PRKN: variants seen among roughly 807,000 people sequenced by gnomAD.
The protein encoded by PRKN is parkin RBR E3 ubiquitin protein ligase.
In PRKN, 56 loss-of-function variants were observed where a neutral mutation model predicts 59.5. The observed-to-expected ratio is 0.94, with a 90% CI of 0.76 to 1.18. The LOEUF is 1.18. Ranked by LOEUF, PRKN falls within the 50% of genes most tolerant of loss-of-function variation. The probability of loss-of-function intolerance (pLI) is 0.00; values close to 1 mark genes in which losing one functional copy is unlikely to be tolerated. For synonymous variants in PRKN, 250 were observed against 222.1 expected (o/e 1.13, Z -1.12); for missense variants, 657 against 596.4 (o/e 1.10, Z -1.06).
rs139428974 is a variant in PRKN at position 162,346,878 on chromosome 6, T to G, written c.172-84113A>C. Among the ~76,000 whole-genome samples, 375 of 152,138 alleles carry G rather than the reference T, an allele frequency of 2.5e-3. 2 individuals are homozygous for G. The highest frequency in any genetic ancestry group is 8.8e-3 in the African/African-American group (365 of 41,548). On this transcript the variant is annotated intron_variant, in intron 2 of 11. Coordinates refer to ENST00000366898, the MANE Select transcript of PRKN (RefSeq NM_004562.3). ...GTTGTGAGATATATATCTATGGATA[T>G]ATACATATATCTATATATGTGTCTA... is the stretch of plus-strand genomic sequence containing the variant.
At chr6:162,131,816 T>C (rs1210597679) in intron 4 of PRKN, among the ~76,000 whole-genome samples, 1 of 152,198 alleles carries the variant, frequency 6.6e-6, no homozygotes, top group East Asian at 1.9e-4. Context: ...CATTTAAAAA[T>C]GTTTATTCAT....
chr6:162,571,560 C>T (rs1780329157), intron 1 of PRKN, among the ~76,000 whole-genome samples: 1 of 152,024 alleles, frequency 6.6e-6, no homozygotes, highest in Non-Finnish European at 1.5e-5. Flanking sequence ...AGGGATAAAA[C>T]AGAAAACTCT....
chr6:162,448,371 G>A (rs895713968), intron 1 of PRKN, among the ~76,000 whole-genome samples: 1 of 151,926 alleles, frequency 6.6e-6, no homozygotes, highest in Non-Finnish European at 1.5e-5. Context: ...AATTTTCATT[G>A]AGAATTTCTT....
intron 2 of PRKN, among the ~76,000 whole-genome samples, chr6:162,308,855 G>A (rs939216499): frequency 1.3e-5 from 2 of 152,186 alleles, no homozygotes; most frequent in Middle Eastern, 3.4e-3. Flanking sequence ...GAGAAAAACC[G>A]TGGGTCCTAA....
chr6:162,279,061 T>A (rs1300153483), intron 2 of PRKN, among the ~76,000 whole-genome samples: 2 of 152,082 alleles, frequency 1.3e-5, no homozygotes, highest in Non-Finnish European at 2.9e-5. Context: ...CGAGGTGAGG[T>A]GGCTCACGGC....
intron 6 of PRKN, among the ~76,000 whole-genome samples, chr6:161,900,345 A>G (rs9355371): frequency 0.51 from 76,035 of 148,998 alleles, 19,729 homozygotes; most frequent in Middle Eastern, 0.64. Flanking sequence ...CAAGACATGG[A>G]GCTTTGGGTG....
At chr6:162,564,074 C>A (rs368151760) in intron 1 of PRKN, among the ~76,000 whole-genome samples, 3 of 151,744 alleles carry the variant, frequency 2.0e-5, no homozygotes, top group East Asian at 3.9e-4. Context: ...GGGCTGGGTG[C>A]GGTGGCTCAT....
At chr6:162,504,691 A>G (rs922794813) in intron 1 of PRKN, among the ~76,000 whole-genome samples, 10 of 152,224 alleles carry the variant, frequency 6.6e-5, no homozygotes, top group Admixed American at 6.5e-4. Flanking sequence ...CATGAAAAAA[A>G]GAACTGATAC....
Position 161,350,125 on chromosome 6 carries a change from T to G in PRKN, c.1372A>C (p.Met458Leu), listed in dbSNP as rs182893847. Reference sequence around the variant, plus strand: ...TACACGTCGAACCAGTGGTCCCCCATGCAGACGCGGTTCCACTCGCAGCCA... The same window carrying G: ...TACACGTCGAACCAGTGGTCCCCCAGGCAGACGCGGTTCCACTCGCAGCCA... ...NCGCEWNRVC[M>L]GDHWFDV Residue 458 changes from methionine to leucine, a missense_variant, in exon 12 of 12, where the codon ATG (methionine) becomes CTG (leucine). Physicochemically the swap from Met to Leu is conservative, Grantham distance 15 (BLOSUM62 2). Coordinates refer to ENST00000366898, the MANE Select transcript of PRKN (RefSeq NM_004562.3). The G allele has an allele frequency of 1.8e-4, 284 of 1,613,542 alleles. 1 individual carries two copies. In the East Asian group the frequency reaches 1.9e-3, roughly 11 times the overall value.
At chr6:161,721,034 A>G (rs1369512449) in intron 7 of PRKN, among the ~76,000 whole-genome samples, 4 of 152,194 alleles carry the variant, frequency 2.6e-5, no homozygotes, top group African/African-American at 7.2e-5. Flanking sequence ...ATGGTTGGTA[A>G]TCACATTTGA....
chr6:162,639,204 T>A (rs571573831), intron 1 of PRKN, among the ~76,000 whole-genome samples: 96 of 152,210 alleles, frequency 6.3e-4, no homozygotes, highest in Non-Finnish European at 1.2e-3. Flanking sequence ...AGTATGCTTA[T>A]TCCTTAGGAT....
intron 3 of PRKN, among the ~76,000 whole-genome samples, chr6:162,231,777 C>A (rs757436976): frequency 1.3e-5 from 2 of 152,154 alleles, no homozygotes; most frequent in Non-Finnish European, 2.9e-5. Context: ...AATTTAACCA[C>A]CTGATCCGCT....
In PRKN at chr6:161,423,927, T is replaced by C. The variant is rs1158877987; in HGVS notation, c.1084-37050A>G. ...TTAGGTTTCTGGTGATTTTCTAAAG[T>C]CTACAGACAAGAAAAGCACTGGCCA... is the stretch of plus-strand genomic sequence containing the variant. On this transcript the variant is annotated intron_variant, in intron 9 of 11. Coordinates refer to ENST00000366898, the MANE Select transcript of PRKN (RefSeq NM_004562.3). The surrounding 1 kb of genome is among the most constrained non-coding windows in gnomAD (Gnocchi z 5.9). Among the ~76,000 whole-genome samples, 2 of 152,134 alleles carry C rather than the reference T, an allele frequency of 1.3e-5. No homozygotes were observed. Among genetic ancestry groups the C allele is most frequent in the African/African-American group, 4.8e-5 (2 of 41,408 alleles).
rs548663251 is a variant in PRKN at position 162,613,439 on chromosome 6, A to G, written c.7+114223T>C. ...TGTTGACAAACCATAGATTTGTAATAATTCTAGAAAAATGCCTCTGTTGTG... is the reference window on the plus strand; with the variant it reads ...TGTTGACAAACCATAGATTTGTAATGATTCTAGAAAAATGCCTCTGTTGTG... On this transcript the variant is annotated intron_variant, in intron 1 of 11. Coordinates refer to ENST00000366898, the MANE Select transcript of PRKN (RefSeq NM_004562.3). 2.0e-4 allele frequency among the ~76,000 whole-genome samples: 31 copies of G among 152,360 alleles called. No homozygotes were observed. The South Asian group carries it at 6.4e-3, about 32-fold the overall frequency.
chr6:162,279,478 AAG>A, intron 2 of PRKN, among the ~76,000 whole-genome samples: 1 of 132,108 alleles, frequency 7.6e-6, no homozygotes, highest in Non-Finnish European at 1.6e-5. Context: ...GAGAAGAGAA[AAG>A]AAAAGAAAAG....
chr6:162,030,461 G>C (rs1783595144), intron 5 of PRKN, among the ~76,000 whole-genome samples: 1 of 152,136 alleles, frequency 6.6e-6, no homozygotes, highest in Non-Finnish European at 1.5e-5. Context: ...ACAGTGATTT[G>C]CATCTTTGCA....
chr6:162,606,211 TCCCAATAAA>T (rs937698017), intron 1 of PRKN, among the ~76,000 whole-genome samples: 3 of 152,286 alleles, frequency 2.0e-5, no homozygotes, highest in East Asian at 1.9e-4. Context: ...TAGGGTTACA[TCCCAATAAA>T]CCCAATAAAC....
intron 7 of PRKN, among the ~76,000 whole-genome samples, chr6:161,753,952 AGGAGCACG>A (rs1788803134): frequency 1.3e-5 from 2 of 152,212 alleles, no homozygotes; most frequent in Non-Finnish European, 2.9e-5. Flanking sequence ...AGAGCTGCAT[AGGAGCACG>A]GGAAATCCAG....
chr6:162,094,302 C>T (rs995519789), intron 4 of PRKN, among the ~76,000 whole-genome samples: 12 of 151,918 alleles, frequency 7.9e-5, no homozygotes, highest in African/African-American at 2.9e-4. Flanking sequence ...CAAGCCTGGG[C>T]AACAAAGCGA....
Sources: gnomAD v4.1 joint callset for allele counts (sites outside exome capture counted in the v4.1 genomes callset) on GRCh38, gnomAD v4.1.1 for gene constraint, Gnocchi (gnomAD v3.1) non-coding constraint, MANE v1.5 for transcripts, NCBI Gene and HGNC (gene_info 2026-07-23, HGNC 2026-07-21) for gene names.